Variants in TRDN observed in about 807,000 individuals in gnomAD.
The protein encoded by TRDN is triadin in skeletal muscle.
A neutral mutation model predicts 149.7 loss-of-function variants in TRDN; 161 were observed. That is an observed-to-expected ratio of 1.08 (90% CI 0.95 to 1.23). The LOEUF is 1.23. TRDN is among the 50% of genes most tolerant of loss of function. TRDN has a pLI of 0.00. For missense variants in TRDN, 896 were observed against 823.5 expected (o/e 1.09, Z -1.08); for synonymous variants, 294 against 250.5 (o/e 1.17, Z -1.64).
chr6:123,383,483 T>G (rs1781795380), intron 14 of TRDN, among the ~76,000 whole-genome samples: 1 of 152,028 alleles, frequency 6.6e-6, no homozygotes, highest in South Asian at 2.1e-4. Flanking sequence ...AATGCTTTTC[T>G]CAGGATATTG....
rs989589875 is a variant in TRDN at position 123,517,678 on chromosome 6, T to C, written c.485-1472A>G. On this transcript the variant is annotated intron_variant, in intron 5 of 40. Coordinates refer to ENST00000334268, the MANE Select transcript of TRDN (RefSeq NM_006073.4). Reference sequence around the variant, plus strand: ...TCCACAAGCACACCACATGCCCTCATGATGCCTTTATGTCTCTGCCTGTAT... The same window carrying C: ...TCCACAAGCACACCACATGCCCTCACGATGCCTTTATGTCTCTGCCTGTAT... 7.2e-5 allele frequency among the ~76,000 whole-genome samples: 11 copies of C among 152,230 alleles called. No individual in the cohort carries two copies. The South Asian group carries it at 2.1e-3, about 29-fold the overall frequency.
chr6:123,569,465 C>T (rs2114531639), intron 2 of TRDN, among the ~76,000 whole-genome samples: 1 of 152,330 alleles, frequency 6.6e-6, no homozygotes, highest in African/African-American at 2.4e-5. Context: ...CAATACCCCA[C>T]TACTGGTGCC....
chr6:123,472,886 GT>G (rs1215655881), intron 9 of TRDN, among the ~76,000 whole-genome samples: 6 of 152,124 alleles, frequency 3.9e-5, no homozygotes, highest in Non-Finnish European at 5.9e-5. Flanking sequence ...TGAGGGTCCT[GT>G]CTGTTAGAAG....
At chr6:123,299,949 C>G (rs1268532158) in intron 24 of TRDN, among the ~76,000 whole-genome samples, 1 of 151,994 alleles carries the variant, frequency 6.6e-6, no homozygotes, top group Non-Finnish European at 1.5e-5. Context: ...AATTTCTGAA[C>G]ATTCTGTCAG....
chr6:123,305,941 A>C (rs1038197583), intron 24 of TRDN, among the ~76,000 whole-genome samples: 1 of 152,124 alleles, frequency 6.6e-6, no homozygotes, highest in African/African-American at 2.4e-5. Flanking sequence ...TGGCTATAAC[A>C]AGTCTCAGCA....
At position 123,325,678 on chromosome 6, in the gene TRDN, A is replaced by C. The variant is rs988151985; in HGVS notation, c.1471+6201T>G. Reference sequence around the variant, plus strand: ...TTAAAACTGGAACTTTGGGGACAAAACTCCACCTTTTTATGTTAATCACTG... The same window carrying C: ...TTAAAACTGGAACTTTGGGGACAAACCTCCACCTTTTTATGTTAATCACTG... On this transcript the variant is annotated intron_variant, in intron 23 of 40. Coordinates refer to ENST00000334268, the MANE Select transcript of TRDN (RefSeq NM_006073.4). Among the ~76,000 whole-genome samples the C allele has an allele frequency of 2.6e-5, 4 of 152,128 alleles. No homozygotes were observed. In the East Asian group the frequency reaches 7.7e-4, roughly 29 times the overall value.
intron 39 of TRDN, 129 bp downstream of exon 39, chr6:123,223,959 GCCTAC>G: frequency 1.5e-6 from 1 of 654,664 alleles, no homozygotes; most frequent in South Asian, 2.4e-5. Context: ...TTAAAAATAA[GCCTAC>G]CATGTAAATG....
intron 7 of TRDN, among the ~76,000 whole-genome samples, chr6:123,510,699 A>T (rs2114853528): frequency 6.7e-6 from 1 of 148,422 alleles, no homozygotes; most frequent in African/African-American, 2.5e-5. Flanking sequence ...GCCGGAGTGC[A>T]GTGGCGCAAT....
intron 15 of TRDN, among the ~76,000 whole-genome samples, 164 bp downstream of exon 15, chr6:123,381,954 G>GCTCT (rs1554230321): frequency 7.8e-6 from 1 of 127,674 alleles, no homozygotes; most frequent in South Asian, 3.4e-4. Flanking sequence ...AATAGATTTG[G>GCTCT]CGCTCTCTCT....
At chr6:123,276,303 C>T (rs1434016851) in intron 26 of TRDN, among the ~76,000 whole-genome samples, 3 of 151,898 alleles carry the variant, frequency 2.0e-5, no homozygotes, top group East Asian at 3.9e-4. Context: ...ATGTTATTGG[C>T]CACTAAAGGA....
intron 8 of TRDN, among the ~76,000 whole-genome samples, chr6:123,499,687 T>C (rs1266237612): frequency 1.4e-5 from 1 of 70,432 alleles, no homozygotes; most frequent in Non-Finnish European, 2.9e-5. Context: ...CTGGGCAACA[T>C]AGTGAGATTC....
chr6:123,350,847 G>C, intron 21 of TRDN: 1 of 983,486 alleles, frequency 1.0e-6, no homozygotes, highest in Non-Finnish European at 1.2e-6. Context: ...GCTTTAATAA[G>C]ATAAAAGAAG....
intron 24 of TRDN, among the ~76,000 whole-genome samples, chr6:123,284,757 C>G (rs1223845226): frequency 1.3e-5 from 2 of 151,728 alleles, no homozygotes; most frequent in Non-Finnish European, 2.9e-5. Flanking sequence ...ATTATACGCC[C>G]AGAAAACCCT....
chr6:123,377,879 T>C lies in TRDN; in HGVS notation c.1206A>G (p.Lys402=), dbSNP rs745563456. Residue 402 remains lysine (K), a synonymous_variant, in exon 17 of 41, where the codon AAA becomes AAG. Transcript: ENST00000334268. The stretch of plus-strand genomic sequence containing the variant: ...AAAAACAGTTACCTGGTTCCACATG[T>C]TTTTCTTTCTTTTCCTGTTCTGAAA... ...PKGKKQEKKE[K]HVEPAKSPKK... 1.3e-6 allele frequency: 2 copies of C among 1,528,826 alleles called. No individual in the cohort carries two copies. The highest frequency in any genetic ancestry group is 2.0e-4 in the Middle Eastern group (1 of 4,994). The allele number at this position is 1,528,826 out of a possible 1,614,324, so 94.7% of individuals were successfully genotyped here. A position where few individuals can be genotyped will look rare whatever the true frequency, so the allele number is the denominator to read the frequency against.
intron 28 of TRDN, 112 bp downstream of exon 28, chr6:123,273,225 G>A (rs1777261992): frequency 1.1e-6 from 1 of 875,388 alleles, no homozygotes; most frequent in Non-Finnish European, 1.7e-6. Context: ...CAAAACACAG[G>A]CTGTAATAAA....
In TRDN at chr6:123,381,294, A is replaced by G. The variant is rs1781710729; in HGVS notation, c.1186+76T>C. 4 of 1,331,546 alleles carry G rather than the reference A, an allele frequency of 3.0e-6. No individual in the cohort carries two copies. In the African/African-American group the frequency reaches 4.4e-5, roughly 15 times the overall value. The allele number at this position is 1,331,546 out of a possible 1,614,324, so 82.5% of individuals were successfully genotyped here. On this transcript the variant is annotated intron_variant, in intron 16 of 40. Coordinates refer to ENST00000334268, the MANE Select transcript of TRDN (RefSeq NM_006073.4). Reference sequence around the variant, plus strand: ...ATAGGAAAAGCGGATTCAAAATTGCAGGTCTAAATACAGCAGCAGGCAAAT... The same window carrying G: ...ATAGGAAAAGCGGATTCAAAATTGCGGGTCTAAATACAGCAGCAGGCAAAT...
At chr6:123,535,291 C>T (rs971473964) in intron 4 of TRDN, among the ~76,000 whole-genome samples, 2 of 152,020 alleles carry the variant, frequency 1.3e-5, no homozygotes, top group African/African-American at 2.4e-5. Context: ...CTAAAGTTGC[C>T]GGTGTCAGTA....
intron 5 of TRDN, among the ~76,000 whole-genome samples, chr6:123,525,094 A>G (rs1319172796): frequency 6.6e-6 from 1 of 152,126 alleles, no homozygotes; most frequent in Non-Finnish European, 1.5e-5. Context: ...ACACTTATAC[A>G]CTGTTAATGG....
intron 2 of TRDN, among the ~76,000 whole-genome samples, chr6:123,557,994 A>G (rs191517418): frequency 5.3e-4 from 81 of 152,178 alleles, no homozygotes; most frequent in Non-Finnish European, 9.3e-4. Context: ...CTTGACCCCA[A>G]TACAAACTGG....
Sources: gnomAD v4.1 joint callset for allele counts (sites outside exome capture counted in the v4.1 genomes callset) on GRCh38, gnomAD v4.1.1 for gene constraint, MANE v1.5 for transcripts, NCBI Gene and HGNC (gene_info 2026-07-23, HGNC 2026-07-21) for gene names.